The following RND3 variants were observed in gnomAD, a reference collection of about 807,000 sequenced individuals.
RND3 encodes the protein rho-related GTP-binding protein RhoE.
RND3 carries 8 observed loss-of-function variants against 26.5 expected under a neutral mutation model. The ratio of observed to expected loss-of-function variants is 0.30; its 90% CI spans 0.18 to 0.54. RND3 has a LOEUF of 0.54. Among genes scored for constraint, RND3 ranks in the 20% least tolerant of loss-of-function variants. The pLI is 0.94. For missense variants in RND3, 207 were observed against 302.8 expected (o/e 0.68, Z 2.35); for synonymous variants, 113 against 113.0 (o/e 1.00, Z 0.00).
At chr2:150,479,745 A>G (rs1365236901) in intron 3 of RND3, among the ~76,000 whole-genome samples, 1 of 152,228 alleles carries the variant, frequency 6.6e-6, no homozygotes, top group Admixed American at 6.5e-5. Flanking sequence ...AATGTGAATC[A>G]AGTCTGGGCA....
At position 150,486,102 on chromosome 2, in the gene RND3, G is replaced by A. The variant is rs538520614; in HGVS notation, c.238+592C>T. ...AGGCACCGCGGGCGGCCGGCAGCGC[G>A]AAGAGGAGGTTCAGCTGCTGCCCGG... On this transcript the variant is annotated intron_variant, in intron 3 of 5. Transcript: ENST00000263895. The surrounding 1 kb of genome is among the most constrained non-coding windows in gnomAD (Gnocchi z 4.5). Among the ~76,000 whole-genome samples, 1 of 152,298 alleles carries A rather than the reference G, an allele frequency of 6.6e-6. No individual in the cohort carries two copies. Among genetic ancestry groups the A allele is most frequent in the East Asian group, 1.9e-4 (1 of 5,156 alleles).
chr2:150,471,835 C>T, intron 4 of RND3, 74 bp from the exon 5 acceptor site: 2 of 1,236,522 alleles, frequency 1.6e-6, no homozygotes, highest in Non-Finnish European at 2.3e-6. Context: ...CATTTCTCCA[C>T]TGGCTGACAT....
rs1010444189 is a variant in RND3, at chr2:150,468,695, T to A, written c.*1292A>T. The A allele has an allele frequency of 9.2e-5, 14 of 152,626 alleles. No homozygotes were observed. Among genetic ancestry groups the A allele is most frequent in the African/African-American group, 3.4e-4 (14 of 41,450 alleles). 9.5% of individuals were successfully genotyped at this position (152,626 alleles called of 1,614,324 possible). A position where few individuals can be genotyped will look rare whatever the true frequency, so the allele number is the denominator to read the frequency against. Reference sequence around the variant, plus strand: ...CTCTGAAAGAATCTCTAAAAGGAACTGGTCAAAAATATCTGTAAACTATTT... The same window carrying A: ...CTCTGAAAGAATCTCTAAAAGGAACAGGTCAAAAATATCTGTAAACTATTT... On this transcript the variant is annotated 3_prime_UTR_variant, in exon 6 of 6. Coordinates refer to ENST00000263895, the MANE Select transcript of RND3 (RefSeq NM_005168.5).
rs1455142890 is a variant in RND3 at position 150,468,199 on chromosome 2, G to T, written c.*1788C>A. On this transcript the variant is annotated 3_prime_UTR_variant, in exon 6 of 6. Transcript: ENST00000263895. ...GATAATAAAAGACAGATCACATTTA[G>T]ACAAAGACATGGTTACTTTTTTATT... 1 of 147,630 alleles carries T rather than the reference G, an allele frequency of 6.8e-6. No individual in the cohort carries two copies. Among genetic ancestry groups the T allele is most frequent in the Admixed American group, 7.0e-5 (1 of 14,328 alleles). The allele number at this position is 147,630 out of a possible 1,614,324, so 9.1% of individuals were successfully genotyped here. A position where few individuals can be genotyped will look rare whatever the true frequency, so the allele number is the denominator to read the frequency against.
chr2:150,483,593 G>A (rs565982452), intron 3 of RND3, among the ~76,000 whole-genome samples: 2 of 152,262 alleles, frequency 1.3e-5, no homozygotes, highest in South Asian at 4.1e-4. Context: ...ATGTTTTAGT[G>A]GGCAAAGAAA....
intron 5 of RND3, among the ~76,000 whole-genome samples, chr2:150,470,663 G>T (rs561208681): frequency 5.3e-5 from 8 of 152,306 alleles, no homozygotes; most frequent in South Asian, 2.1e-4. Flanking sequence ...GTCACAGCAA[G>T]CATGGAATGG....
Position 150,485,191 on chromosome 2 carries a change from C to G in RND3, c.238+1503G>C, listed in dbSNP as rs190115963. ...GAACGGCTGAGAAAGAGCCTGACTC[C>G]AGGGGGAAACAAAATCAGCCCTTCT... On this transcript the variant is annotated intron_variant, in intron 3 of 5. Transcript: ENST00000263895. The G allele has an allele frequency of 1.4e-4, 21 of 152,404 alleles. 1 individual carries two copies. In the East Asian group the frequency reaches 2.5e-3, roughly 18 times the overall value. The allele number at this position is 152,404 out of a possible 1,614,324, so 9.4% of individuals were successfully genotyped here.
chr2:150,476,427 C>A (rs780914023), intron 3 of RND3, among the ~76,000 whole-genome samples: 20 of 152,198 alleles, frequency 1.3e-4, no homozygotes, highest in Non-Finnish European at 1.8e-4. Context: ...GCTATGGAAC[C>A]CCAGGCAACA....
rs1686054565 is a variant in RND3 at position 150,469,924 on chromosome 2, C to T, written c.*63G>A. The T allele has an allele frequency of 3.1e-6, 5 of 1,587,666 alleles. No individual in the cohort carries two copies. In the South Asian group the frequency reaches 5.7e-5, roughly 18 times the overall value. ...GCTGTGCACTTCATTTAGACTTCAC[C>T]TTTTTGTTTGCTGTTGTTTTTTACA... On this transcript the variant is annotated 3_prime_UTR_variant, in exon 6 of 6. Coordinates refer to ENST00000263895, the MANE Select transcript of RND3 (RefSeq NM_005168.5).
At chr2:150,482,016 T>A (rs115739900) in intron 3 of RND3, among the ~76,000 whole-genome samples, 2,211 of 152,316 alleles carry the variant, frequency 0.015, 51 homozygotes, top group African/African-American at 0.051. Context: ...GATACCACCT[T>A]AAGTGTTAGT....
Position 150,487,463 on chromosome 2 carries a change from AG to A in RND3, c.-38-9del, listed in dbSNP as rs1195184215. ...TTGGAACAGGAATTTTCTCTTAAGA[AG>A]AAAAAAAAAAATATATATATATATA... On this transcript the variant is annotated splice_polypyrimidine_tract_variant and intron_variant, in intron 1 of 5. Coordinates refer to ENST00000263895, the MANE Select transcript of RND3 (RefSeq NM_005168.5). 1 of 511,936 alleles carries A rather than the reference AG, an allele frequency of 2.0e-6. No homozygotes were observed. Among genetic ancestry groups the A allele is most frequent in the South Asian group, 6.5e-5 (1 of 15,422 alleles). The allele number at this position is 511,936 out of a possible 1,614,324, so 31.7% of individuals were successfully genotyped here.
In RND3 at chr2:150,486,818, G is replaced by A; in HGVS notation, c.151-37C>T. On this transcript the variant is annotated intron_variant, in intron 2 of 5. Coordinates refer to ENST00000263895, the MANE Select transcript of RND3 (RefSeq NM_005168.5). This position sits in a 1 kb window ranked among gnomAD's most constrained non-coding sequence, Gnocchi z 4.5. ...AAATGGGCAAAAGAGGAAGGAAAGA[G>A]GGCAAAGAGGTTACGTTTAAACGCA... 3 of 1,424,574 alleles carry A rather than the reference G, an allele frequency of 2.1e-6. No homozygotes were observed. Among genetic ancestry groups the A allele is most frequent in the East Asian group, 2.3e-5 (1 of 43,988 alleles). The allele number at this position is 1,424,574 out of a possible 1,614,324, so 88.2% of individuals were successfully genotyped here. A position where few individuals can be genotyped will look rare whatever the true frequency, so the allele number is the denominator to read the frequency against.
intron 5 of RND3, among the ~76,000 whole-genome samples, chr2:150,470,674 C>T (rs577320899): frequency 3.3e-5 from 5 of 152,190 alleles, no homozygotes; most frequent in East Asian, 1.9e-4. Context: ...CATGGAATGG[C>T]GCAGAGAAGC....
chr2:150,476,996 A>C (rs1404902579), intron 3 of RND3, among the ~76,000 whole-genome samples: 1 of 152,176 alleles, frequency 6.6e-6, no homozygotes. Context: ...CTTTCCAAAC[A>C]GGCAGTCAGA....
At position 150,470,115 on chromosome 2, in the gene RND3, TA is replaced by T; in HGVS notation, c.606del (p.Asn202LysfsTer42). 6.2e-7 allele frequency: 1 copy of T among 1,614,070 alleles called. No individual in the cohort carries two copies. Among genetic ancestry groups the T allele is most frequent in the African/African-American group, 1.3e-5 (1 of 75,038 alleles). On this transcript the variant is annotated frameshift_variant, in exon 6 of 6. Transcript: ENST00000263895. LOFTEE classifies it high-confidence loss of function. ...VATLACVNKT[N>X]KNVKRNKSQR... Reference sequence around the variant, plus strand: ...TGTGATTTGTTCCGCTTAACGTTTTTATTTGTCTTATTTACACATGCCAAGG... The same window carrying T: ...TGTGATTTGTTCCGCTTAACGTTTTTTTTGTCTTATTTACACATGCCAAGG...
intron 3 of RND3, among the ~76,000 whole-genome samples, chr2:150,476,703 T>C (rs1250923976): frequency 1.3e-5 from 2 of 152,208 alleles, no homozygotes; most frequent in African/African-American, 4.8e-5. Flanking sequence ...TCATTTTAAG[T>C]ATGAAGGTAT....
At chr2:150,483,005 G>C (rs1049491777) in intron 3 of RND3, among the ~76,000 whole-genome samples, 1 of 152,196 alleles carries the variant, frequency 6.6e-6, no homozygotes, top group African/African-American at 2.4e-5. Context: ...TTGACAGAGG[G>C]CCTGTTTATA....
At chr2:150,483,935 T>G (rs531136297) in intron 3 of RND3, among the ~76,000 whole-genome samples, 1 of 152,376 alleles carries the variant, frequency 6.6e-6, no homozygotes, top group Non-Finnish European at 1.5e-5. Context: ...AGTACAAAAT[T>G]TTCTTCATCA....
intron 3 of RND3, among the ~76,000 whole-genome samples, chr2:150,480,586 T>A (rs1054164582): frequency 8.5e-5 from 13 of 152,136 alleles, no homozygotes; most frequent in Non-Finnish European, 1.6e-4. Flanking sequence ...AATGACCAAT[T>A]TGGATGCTTC....
Sources: allele counts gnomAD v4.1 joint callset (sites outside exome capture counted in the v4.1 genomes callset), GRCh38; gene constraint gnomAD v4.1.1; non-coding constraint Gnocchi (gnomAD v3.1); transcripts MANE v1.5; gene names NCBI Gene and HGNC (gene_info 2026-07-23, HGNC 2026-07-21).